Variants in SP140 observed in about 807,000 individuals in gnomAD.
The protein encoded by SP140 is nuclear body protein SP140.
In SP140, 81 loss-of-function variants were observed where a neutral mutation model predicts 125.0. That is an observed-to-expected ratio of 0.65 (90% CI 0.54 to 0.78). The LOEUF (loss-of-function observed/expected upper bound fraction) is 0.78, where lower values mean the gene tolerates loss of function less well. Ranked by LOEUF, SP140 falls within the 30% of genes least tolerant of loss-of-function variation. SP140 has a pLI of 0.00. For synonymous variants in SP140, 312 were observed against 354.0 expected, an observed-to-expected ratio of 0.88 and a Z score of 1.33; for missense variants, 858 against 1,037.0, an observed-to-expected ratio of 0.83 and a Z score of 2.37.
intron 11 of SP140, among the ~76,000 whole-genome samples, chr2:230,254,507 T>C (rs2050848923): frequency 6.6e-6 from 1 of 152,212 alleles, no homozygotes; most frequent in African/African-American, 2.4e-5. Context: ...GACTTTTATC[T>C]TGGGACCTTC....
intron 15 of SP140, among the ~76,000 whole-genome samples, chr2:230,275,646 C>T (rs780908351): frequency 6.6e-6 from 1 of 152,056 alleles, no homozygotes; most frequent in East Asian, 1.9e-4. Flanking sequence ...CTACAATGGC[C>T]TCTAAGGGCT....
At chr2:230,240,167 A>T (rs2048527808) in intron 3 of SP140, among the ~76,000 whole-genome samples, 1 of 152,252 alleles carries the variant, frequency 6.6e-6, no homozygotes, top group African/African-American at 2.4e-5. Flanking sequence ...AAATAATTCA[A>T]GTTGGATCAC....
chr2:230,306,183 G>A (rs542482310), intron 22 of SP140, among the ~76,000 whole-genome samples: 26 of 152,300 alleles, frequency 1.7e-4, no homozygotes, highest in African/African-American at 4.3e-4. Context: ...TCACACAGCC[G>A]GCAGGACCTG....
downstream of SP140, among the ~76,000 whole-genome samples, chr2:230,314,481 A>C (rs2059468683): frequency 6.6e-6 from 1 of 152,226 alleles, no homozygotes; most frequent in South Asian, 2.1e-4. Flanking sequence ...AATTATTGAC[A>C]AAAGGGCAAG....
chr2:230,265,611 C>A (rs944806940), intron 12 of SP140, among the ~76,000 whole-genome samples: 52 of 152,166 alleles, frequency 3.4e-4, no homozygotes, highest in Non-Finnish European at 5.9e-5. Flanking sequence ...ACCTCCCAGG[C>A]CCTTTCCGCT....
upstream of SP140, chr2:230,201,046 C>T (rs2043135117): frequency 1.8e-6 from 2 of 1,085,364 alleles, no homozygotes; most frequent in Admixed American, 3.4e-5. Context: ...GGCCCTTGCA[C>T]ACTCTGAAGT....
chr2:230,245,909 A>G lies in SP140; in HGVS notation c.711A>G (p.Glu237=). The change falls in exon 7 of 27, where the codon GAA becomes GAG. Residue 237 remains glutamate, a synonymous_variant. Coordinates refer to ENST00000392045, the MANE Select transcript of SP140 (RefSeq NM_007237.5). ...AIQIDEGESE[E]MPKLLPYDTE... Reference sequence around the variant, plus strand: ...AAATAGATGAAGGAGAATCAGAAGAAATGCCCAAGTTACTGCCTTATGATA... The same window carrying G: ...AAATAGATGAAGGAGAATCAGAAGAGATGCCCAAGTTACTGCCTTATGATA... 1 of 1,606,336 alleles carries G rather than the reference A, an allele frequency of 6.2e-7. No homozygotes were observed. The highest frequency in any genetic ancestry group is 1.1e-5 in the South Asian group (1 of 90,918).
chr2:230,208,122 G>A (rs935514815), intron 1 of SP140: 2 of 952,896 alleles, frequency 2.1e-6, no homozygotes, highest in African/African-American at 3.3e-5. Flanking sequence ...GTATGTCAAT[G>A]ATATTCAGCT....
At chr2:230,287,114 G>T (rs1051030212) in intron 17 of SP140, among the ~76,000 whole-genome samples, 1 of 152,098 alleles carries the variant, frequency 6.6e-6, no homozygotes, top group Non-Finnish European at 1.5e-5. Flanking sequence ...GAATATCATC[G>T]GCTGCAGTGT....
intron 2 of SP140, among the ~76,000 whole-genome samples, 156 bp from the exon 3 acceptor site, chr2:230,238,055 TAG>T (rs2048228966): frequency 6.6e-6 from 1 of 152,216 alleles, no homozygotes; most frequent in Non-Finnish European, 1.5e-5. Context: ...TTCAAAAAAT[TAG>T]AGTGTATTTT....
Position 230,312,897 on chromosome 2 carries a change from T to A in SP140, c.*213T>A. 2.3e-6 allele frequency: 1 copy of A among 441,388 alleles called. No homozygotes were observed. Among genetic ancestry groups the A allele is most frequent in the African/African-American group, 2.0e-5 (1 of 48,862 alleles). The allele number at this position is 441,388 out of a possible 1,614,324, so 27.3% of individuals were successfully genotyped here. A position where few individuals can be genotyped will look rare whatever the true frequency, so the allele number is the denominator to read the frequency against. On this transcript the variant is annotated 3_prime_UTR_variant, in exon 27 of 27. Coordinates refer to ENST00000392045, the MANE Select transcript of SP140 (RefSeq NM_007237.5). ...AAGTATCTCATCAGCCAGGGAAGAG[T>A]AAGTGGGATCACAGGGAAGGATGTT...
upstream of SP140, among the ~76,000 whole-genome samples, chr2:230,198,157 T>A (rs1315832587): frequency 7.5e-6 from 1 of 133,198 alleles, no homozygotes; most frequent in Non-Finnish European, 1.6e-5. Context: ...AGGGCTGCTG[T>A]CCTCTATGTG....
intron 14 of SP140, among the ~76,000 whole-genome samples, chr2:230,270,364 C>G (rs1336828872): frequency 6.6e-6 from 1 of 152,136 alleles, no homozygotes; most frequent in Non-Finnish European, 1.5e-5. Context: ...GACTGCAGGT[C>G]TACTCTTCTT....
chr2:230,221,756 C>A, upstream of SP140: 1 of 1,535,004 alleles, frequency 6.5e-7, no homozygotes, highest in South Asian at 1.2e-5. Flanking sequence ...ATCTGAGGAT[C>A]CTGGCAGCAA....
At chr2:230,265,820 G>A (rs1318949775) in intron 12 of SP140, among the ~76,000 whole-genome samples, 2 of 151,956 alleles carry the variant, frequency 1.3e-5, no homozygotes, top group African/African-American at 4.8e-5. Flanking sequence ...GGTCCTGCAG[G>A]TGCAATCTGC....
intron 1 of SP140, among the ~76,000 whole-genome samples, chr2:230,231,716 A>G (rs750072691): frequency 6.6e-6 from 1 of 150,708 alleles, no homozygotes; most frequent in Non-Finnish European, 1.5e-5. Flanking sequence ...CTTTTTTTTC[A>G]ATTTTTTTGA....
At chr2:230,197,423 A>C in the SP140 span, among the ~76,000 whole-genome samples, 1 of 151,210 alleles carries the variant, frequency 6.6e-6, no homozygotes, top group African/African-American at 2.4e-5. Flanking sequence ...GTTTGAGTTA[A>C]TTGTAGATTC....
intron 16 of SP140, among the ~76,000 whole-genome samples, chr2:230,284,900 A>T (rs1376308959): frequency 6.6e-6 from 1 of 152,210 alleles, no homozygotes; most frequent in Non-Finnish European, 1.5e-5. Flanking sequence ...CAGTTCATTC[A>T]TAAAAATATA....
At chr2:230,241,558 G>C in intron 4 of SP140, 71 bp downstream of exon 4, 1 of 871,404 alleles carries the variant, frequency 1.1e-6, no homozygotes, top group Non-Finnish European at 1.9e-6. Flanking sequence ...GGCAAATCTT[G>C]TATTTCCTCT....
Sources: allele counts gnomAD v4.1 joint callset (sites outside exome capture counted in the v4.1 genomes callset), GRCh38; gene constraint gnomAD v4.1.1; transcripts MANE v1.5; gene names NCBI Gene and HGNC (gene_info 2026-07-23, HGNC 2026-07-21).